Variants in TCF4 observed in about 807,000 individuals in gnomAD.
TCF4 encodes transcription factor 4, also known as SL3-3 enhancer factor 2.
In TCF4, 3 loss-of-function variants were observed where a neutral mutation model predicts 82.1. The observed-to-expected ratio is 0.04, with a 90% CI of 0.02 to 0.09. The LOEUF (loss-of-function observed/expected upper bound fraction) is 0.09, where lower values mean the gene tolerates loss of function less well. Among genes scored for constraint, TCF4 ranks in the 10% least tolerant of loss-of-function variants. TCF4 has a pLI of 1.00. For synonymous variants in TCF4, 276 were observed against 309.6 expected (o/e 0.89, Z 1.14); for missense variants, 518 against 852.7 (o/e 0.61, Z 4.89).
chr18:55,623,087 T>C (rs2097723133), intron 2 of TCF4, among the ~76,000 whole-genome samples: 2 of 152,194 alleles, frequency 1.3e-5, no homozygotes, highest in African/African-American at 4.8e-5. Flanking sequence ...AGTTTGGAAT[T>C]TGAGTAAGTT....
At position 55,273,967 on chromosome 18, in the gene TCF4, GAAGA is replaced by G. The variant is rs765225996; in HGVS notation, c.789+1648_789+1651del. 7.2e-5 allele frequency among the ~76,000 whole-genome samples: 11 copies of G among 152,236 alleles called. No homozygotes were observed. In the South Asian group the frequency reaches 1.9e-3, roughly 26 times the overall value. ...CTCAAAACTCTTGAGCATGATAGGA[GAAGA>G]AAGAAAGAAACACAGAAGGGAAGAA... On this transcript the variant is annotated intron_variant, in intron 10 of 19. Coordinates refer to ENST00000354452, the MANE Select transcript of TCF4 (RefSeq NM_001083962.2).
chr18:55,445,189 G>GA (rs2095504626), intron 5 of TCF4, among the ~76,000 whole-genome samples: 1 of 152,054 alleles, frequency 6.6e-6, no homozygotes, highest in Non-Finnish European at 1.5e-5. Flanking sequence ...ACGCTTCATT[G>GA]AAAATCTGAC....
chr18:55,256,497 T>A lies in TCF4; in HGVS notation c.1146+818A>T, dbSNP rs192323623. 1.5e-3 allele frequency among the ~76,000 whole-genome samples: 231 copies of A among 152,174 alleles called. 1 individual carries two copies. Among genetic ancestry groups the A allele is most frequent in the African/African-American group, 5.3e-3 (220 of 41,528 alleles). ...GGAAGAACACAGCAAAGGAGGGAAA[T>A]CCACCTTTGCTTTTCTTTTCAGATT... is the stretch of plus-strand genomic sequence containing the variant. On this transcript the variant is annotated intron_variant, in intron 14 of 19. Transcript: ENST00000354452.
rs758935993 is a variant in TCF4 at position 55,254,455 on chromosome 18, C to G, written c.1350+42G>C. 7.0e-6 allele frequency: 11 copies of G among 1,581,732 alleles called. No homozygotes were observed. The African/African-American group carries it at 1.5e-4, about 21-fold the overall frequency. ...ATAGTATCTATATCTGAAATTCTAA[C>G]TCTATATGATAACTATAGAGTCTAT... On this transcript the variant is annotated intron_variant, in intron 15 of 19. Transcript: ENST00000354452.
chr18:55,539,207 G>A (rs1249317265), intron 3 of TCF4, among the ~76,000 whole-genome samples: 2 of 152,108 alleles, frequency 1.3e-5, no homozygotes, highest in Non-Finnish European at 2.9e-5. Flanking sequence ...AGGGGCTGGA[G>A]TTTTTAAACC....
At chr18:55,385,215 A>C (rs1257675514) in intron 6 of TCF4, among the ~76,000 whole-genome samples, 2 of 152,202 alleles carry the variant, frequency 1.3e-5, no homozygotes, top group African/African-American at 4.8e-5. Context: ...AAACAGCATC[A>C]GCCTGTTTTA....
At chr18:55,277,501 A>G (rs2146202735) in intron 9 of TCF4, among the ~76,000 whole-genome samples, 1 of 152,348 alleles carries the variant, frequency 6.6e-6, no homozygotes, top group Non-Finnish European at 1.5e-5. Flanking sequence ...CAGTAAATTA[A>G]TATTTATCAC....
At chr18:55,303,954 G>A (rs2069262470) in intron 8 of TCF4, among the ~76,000 whole-genome samples, 1 of 151,946 alleles carries the variant, frequency 6.6e-6, no homozygotes. Flanking sequence ...TTCCAAAAAA[G>A]AAAGAAAGAA....
chr18:55,364,895 T>C (rs141581391), intron 6 of TCF4, among the ~76,000 whole-genome samples: 1 of 152,124 alleles, frequency 6.6e-6, no homozygotes, highest in Non-Finnish European at 1.5e-5. Context: ...GCATGGTGGC[T>C]CATGCCTCTA....
chr18:55,252,789 G>T (rs2055630676), intron 15 of TCF4, among the ~76,000 whole-genome samples: 1 of 152,044 alleles, frequency 6.6e-6, no homozygotes, highest in Non-Finnish European at 1.5e-5. Flanking sequence ...ATACAGAAAT[G>T]GTTATAAGTC....
intron 3 of TCF4, among the ~76,000 whole-genome samples, chr18:55,465,309 ATAAT>A (rs201954832): frequency 0.015 from 2,315 of 152,294 alleles, 60 homozygotes; most frequent in African/African-American, 0.051. Context: ...TAATCATAGT[ATAAT>A]TAATTTATTT....
At chr18:55,281,279 T>C (rs1311250861) in intron 8 of TCF4, among the ~76,000 whole-genome samples, 1 of 152,156 alleles carries the variant, frequency 6.6e-6, no homozygotes, top group Admixed American at 6.5e-5. Context: ...ATCTCAGAAT[T>C]TTCTTGAGAA....
chr18:55,481,457 T>C (rs1306108507), intron 3 of TCF4, among the ~76,000 whole-genome samples: 1 of 152,244 alleles, frequency 6.6e-6, no homozygotes, highest in Non-Finnish European at 1.5e-5. Context: ...ATTTTACAGA[T>C]GAAAAATCAG....
chr18:55,494,368 G>T (rs1049774301), intron 3 of TCF4, among the ~76,000 whole-genome samples: 5 of 151,836 alleles, frequency 3.3e-5, no homozygotes, highest in Non-Finnish European at 7.4e-5. Context: ...AGGAAAAATG[G>T]CCAGTGAGAA....
intron 6 of TCF4, among the ~76,000 whole-genome samples, chr18:55,380,683 TCATGCCCCACTGTGAG>T (rs1324601373): frequency 6.6e-6 from 1 of 152,228 alleles, no homozygotes; most frequent in Non-Finnish European, 1.5e-5. Context: ...AGTGCTATGC[TCATGCCCCACTGTGAG>T]CAGGGATGCT....
At chr18:55,594,103 TG>T (rs1412881053) in intron 2 of TCF4, among the ~76,000 whole-genome samples, 1 of 152,180 alleles carries the variant, frequency 6.6e-6, no homozygotes, top group Non-Finnish European at 1.5e-5. Context: ...CAGAGATTTA[TG>T]ACACACACAG....
intron 3 of TCF4, among the ~76,000 whole-genome samples, chr18:55,580,374 T>A (rs968645099): frequency 6.6e-5 from 10 of 151,992 alleles, no homozygotes; most frequent in Non-Finnish European, 1.5e-4. Context: ...TATTAATACA[T>A]CAGGCTTGGT....
intron 3 of TCF4, among the ~76,000 whole-genome samples, chr18:55,485,700 T>A (rs1228083325): frequency 6.6e-6 from 1 of 152,258 alleles, no homozygotes; most frequent in African/African-American, 2.4e-5. Flanking sequence ...ATATCATACC[T>A]ACACACATGC....
intron 2 of TCF4, among the ~76,000 whole-genome samples, chr18:55,613,823 G>T (rs976381224): frequency 1.3e-5 from 2 of 152,196 alleles, no homozygotes; most frequent in Non-Finnish European, 1.5e-5. Flanking sequence ...CATGAGATTT[G>T]GGTCGGGATA....
Sources: allele counts gnomAD v4.1 joint callset (sites outside exome capture counted in the v4.1 genomes callset), GRCh38; gene constraint gnomAD v4.1.1; transcripts MANE v1.5; gene names NCBI Gene and HGNC (gene_info 2026-07-23, HGNC 2026-07-21).